Variants in CPSF7 observed in about 807,000 individuals in gnomAD.
CPSF7 encodes the protein cleavage and polyadenylation specific factor 7.
A neutral mutation model predicts 44.3 loss-of-function variants in CPSF7; 1 was observed. That is an observed-to-expected ratio of 0.02 (90% confidence interval 0.01 to 0.11). The LOEUF is 0.11. Ranked by LOEUF, CPSF7 falls within the 10% of genes least tolerant of loss-of-function variation. CPSF7 has a pLI of 1.00. For synonymous variants in CPSF7, 202 were observed against 222.0 expected, an observed-to-expected ratio of 0.91 and a Z score of 0.80; for missense variants, 443 against 607.2, an observed-to-expected ratio of 0.73 and a Z score of 2.84.
At position 61,410,974 on chromosome 11, in the gene CPSF7, T is replaced by C; in HGVS notation, c.1358A>G (p.His453Arg). 1 of 1,613,488 alleles carries C rather than the reference T, an allele frequency of 6.2e-7. No individual in the cohort carries two copies. Among genetic ancestry groups the C allele is most frequent in the Non-Finnish European group, 8.5e-7 (1 of 1,179,872 alleles). The change falls in exon 9 of 10, where the codon CAC (histidine) becomes CGC (arginine). Residue 453 changes from histidine to arginine, a missense_variant. Physicochemically the swap from His to Arg is conservative, Grantham distance 29 (BLOSUM62 0). Coordinates refer to ENST00000439958, the MANE Select transcript of CPSF7 (RefSeq NM_001142565.3). ...FQERNREHER[H>R]RDRERDRHH The stretch of plus-strand genomic sequence containing the variant: ...GTGCCGGTCCCGTTCTCTATCCCGG[T>C]GTCTCTCATGCTCCCGGTTCCTTTC...
At chr11:61,405,586 C>A (rs1859239858) in intron 9 of CPSF7, among the ~76,000 whole-genome samples, 1 of 152,220 alleles carries the variant, frequency 6.6e-6, no homozygotes, top group Non-Finnish European at 1.5e-5. Context: ...CAATACCCAT[C>A]TGCGGGTGGT....
chr11:61,410,099 C>T (rs1173856659), intron 9 of CPSF7, among the ~76,000 whole-genome samples: 3 of 151,988 alleles, frequency 2.0e-5, no homozygotes, highest in African/African-American at 7.2e-5. Flanking sequence ...CCCACCCGCC[C>T]CTCCTCCCTA....
Position 61,415,894 on chromosome 11 carries a change from T to C in CPSF7, c.939-110A>G, listed in dbSNP as rs1339456468. ...AACACAGAACAATGCTAGACATCTG[T>C]AGCATTCATAACACCTGCTCCCGCA... On this transcript the variant is annotated intron_variant, in intron 6 of 9. Transcript: ENST00000439958. 12 of 906,498 alleles carry C rather than the reference T, an allele frequency of 1.3e-5. No individual in the cohort carries two copies. The Admixed American group carries it at 2.5e-4, about 19-fold the overall frequency. The allele number at this position is 906,498 out of a possible 1,614,324, so 56.2% of individuals were successfully genotyped here.
At position 61,429,918 on chromosome 11, in the gene CPSF7, A is replaced by T; in HGVS notation, c.-60T>A. ...CCGACCGCGCGCCCCCGTTACCGGG[A>T]ATATGGCGGCGGCGGCGGCGAGTCC... On this transcript the variant is annotated 5_prime_UTR_variant, in exon 1 of 10. Transcript: ENST00000439958. 6.7e-7 allele frequency: 1 copy of T among 1,481,972 alleles called. No homozygotes were observed. Among genetic ancestry groups the T allele is most frequent in the Non-Finnish European group, 9.0e-7 (1 of 1,107,238 alleles). 91.8% of individuals were successfully genotyped at this position (1,481,972 alleles called of 1,614,324 possible).
At chr11:61,410,361 G>A (rs1859746103) in intron 9 of CPSF7, among the ~76,000 whole-genome samples, 1 of 152,164 alleles carries the variant, frequency 6.6e-6, no homozygotes, top group Non-Finnish European at 1.5e-5. Flanking sequence ...TGGGATCATA[G>A]GTGTGAGCCA....
rs1054086727 is a variant in CPSF7, at chr11:61,429,599, G to T, written c.-55-309C>A. The T allele has an allele frequency of 4.8e-5, 38 of 785,390 alleles. 1 individual carries two copies. The highest frequency in any genetic ancestry group is 6.8e-5 in the Non-Finnish European group (35 of 512,216). 48.7% of individuals were successfully genotyped at this position (785,390 alleles called of 1,614,324 possible). On this transcript the variant is annotated intron_variant, in intron 1 of 9. Coordinates refer to ENST00000439958, the MANE Select transcript of CPSF7 (RefSeq NM_001142565.3). ...TAGGACGGCGTTGCGAAGAATGACC[G>T]CGGCGAAGCCCGCAGCCCCTATCCG...
chr11:61,409,344 C>T (rs992725901), intron 9 of CPSF7, among the ~76,000 whole-genome samples: 3 of 151,602 alleles, frequency 2.0e-5, no homozygotes, highest in African/African-American at 4.9e-5. Context: ...TGGTGGTGGG[C>T]GCTTGTAATC....
chr11:61,413,425 G>A (rs963918277), intron 7 of CPSF7, among the ~76,000 whole-genome samples: 2 of 152,016 alleles, frequency 1.3e-5, no homozygotes, highest in African/African-American at 4.8e-5. Context: ...TGAAGCCAGA[G>A]TTCGAGACCA....
intron 9 of CPSF7, among the ~76,000 whole-genome samples, chr11:61,409,142 G>A (rs1193210673): frequency 6.6e-6 from 1 of 150,542 alleles, no homozygotes; most frequent in Non-Finnish European, 1.5e-5. Flanking sequence ...GAGACAATGT[G>A]TCTATTAAAA....
intron 2 of CPSF7, among the ~76,000 whole-genome samples, chr11:61,422,241 GGGTT>G (rs1381961976): frequency 6.6e-6 from 1 of 151,844 alleles, no homozygotes; most frequent in Non-Finnish European, 1.5e-5. Flanking sequence ...ATAACAACAG[GGGTT>G]TTCCCCTACT....
intron 2 of CPSF7, among the ~76,000 whole-genome samples, chr11:61,425,389 C>A (rs1382355701): frequency 6.6e-6 from 1 of 152,220 alleles, no homozygotes; most frequent in Non-Finnish European, 1.5e-5. Context: ...TTTACATGCA[C>A]TGATGTTCAA....
intron 7 of CPSF7, among the ~76,000 whole-genome samples, chr11:61,413,550 A>C (rs1860040733): frequency 6.6e-6 from 1 of 151,832 alleles, no homozygotes. Context: ...AGAATTGCTT[A>C]AATCTGGGAG....
intron 2 of CPSF7, among the ~76,000 whole-genome samples, chr11:61,428,347 T>C (rs1197828302): frequency 2.0e-5 from 3 of 151,672 alleles, no homozygotes; most frequent in Admixed American, 2.0e-4. Context: ...CATATCTCGT[T>C]GTTGTTTTTT....
intron 7 of CPSF7, 29 bp downstream of exon 7, chr11:61,415,637 G>C (rs961372134): frequency 7.2e-7 from 1 of 1,393,304 alleles, no homozygotes; most frequent in South Asian, 1.2e-5. Context: ...AGGTTAAGGA[G>C]AAGGCAGCAA....
Position 61,416,511 on chromosome 11 carries a change from G to C in CPSF7, c.532C>G (p.Pro178Ala). ...CTAGAATCTCGGGAATGGGCCCGTGGAGGTATTCCTATGAAGCAAAACAGA... is the reference window on the plus strand; with the variant it reads ...CTAGAATCTCGGGAATGGGCCCGTGCAGGTATTCCTATGAAGCAAAACAGA... ...FEAQARKRIP[P>A]RAHSRDSSDS... Residue 178 changes from proline to alanine, a missense_variant, in exon 6 of 10, where the codon CCA (proline) becomes GCA (alanine). By Grantham distance (27) the Pro-to-Ala change is conservative. Coordinates refer to ENST00000439958, the MANE Select transcript of CPSF7 (RefSeq NM_001142565.3). The C allele has an allele frequency of 6.2e-7, 1 of 1,614,090 alleles. No homozygotes were observed. The highest frequency in any genetic ancestry group is 8.5e-7 in the Non-Finnish European group (1 of 1,179,966).
chr11:61,416,440 G>A lies in CPSF7; in HGVS notation c.603C>T (p.Pro201=). 6.2e-7 allele frequency: 1 copy of A among 1,614,112 alleles called. No individual in the cohort carries two copies. Among genetic ancestry groups the A allele is most frequent in the Non-Finnish European group, 8.5e-7 (1 of 1,180,010 alleles). The change falls in exon 6 of 10, where the codon CCC becomes CCT. Residue 201 remains proline, a synonymous_variant. Transcript: ENST00000439958. ...GRATPSENLV[P]SSARVDKPPS... is the part of the protein sequence containing the mutation. ...GGGGCTTATCCACACGAGCAGATGA[G>A]GGTACAAGGTTCTCAGAGGGTGTGG... is the stretch of plus-strand genomic sequence containing the variant.
At chr11:61,419,901 A>G (rs1029228600) in intron 5 of CPSF7, 48 bp downstream of exon 5, 7 of 1,519,896 alleles carry the variant, frequency 4.6e-6, no homozygotes, top group African/African-American at 4.2e-5. Context: ...CCCCCCCCTC[A>G]TACAGATGGT....
intron 9 of CPSF7, among the ~76,000 whole-genome samples, chr11:61,406,798 A>T (rs1302281773): frequency 6.6e-6 from 1 of 152,132 alleles, no homozygotes; most frequent in Non-Finnish European, 1.5e-5. Flanking sequence ...GCTGGAGTGC[A>T]GTGGCACAAA....
chr11:61,412,294 A>ATTTTTTT (rs1237731571), intron 7 of CPSF7, among the ~76,000 whole-genome samples: 1 of 140,534 alleles, frequency 7.1e-6, no homozygotes, highest in Non-Finnish European at 1.6e-5. Context: ...ATTTTTTTTC[A>ATTTTTTT]TTTTTTTTTT....
Sources: gnomAD v4.1 joint callset for allele counts (sites outside exome capture counted in the v4.1 genomes callset) on GRCh38, gnomAD v4.1.1 for gene constraint, MANE v1.5 for transcripts, NCBI Gene and HGNC (gene_info 2026-07-23, HGNC 2026-07-21) for gene names.